Variants in ATG7 observed in about 807,000 individuals in gnomAD.
ATG7 encodes the protein ubiquitin-like modifier-activating enzyme ATG7.
Under a neutral mutation model 82.4 loss-of-function variants are expected in ATG7, and 70 were observed. The ratio of observed to expected loss-of-function variants is 0.85; its 90% CI spans 0.70 to 1.04. ATG7 has a LOEUF of 1.04. Among genes scored for constraint, ATG7 ranks in the 50% least tolerant of loss-of-function variants. The probability of loss-of-function intolerance (pLI) is 0.00; values close to 1 mark genes in which losing one functional copy is unlikely to be tolerated. For missense variants in ATG7, 792 were observed against 864.3 expected, an observed-to-expected ratio of 0.92 and a Z score of 1.05; for synonymous variants, 287 against 313.0, an observed-to-expected ratio of 0.92 and a Z score of 0.88.
At chr3:11,433,448 C>T (rs980877573) in intron 20 of ATG7, among the ~76,000 whole-genome samples, 5 of 152,090 alleles carry the variant, frequency 3.3e-5, no homozygotes, top group Non-Finnish European at 7.3e-5. Context: ...TATCAGTTCA[C>T]ATGTATTTAT....
chr3:11,518,902 ATG>A (rs2092358105), intron 20 of ATG7, among the ~76,000 whole-genome samples: 1 of 152,232 alleles, frequency 6.6e-6, no homozygotes, highest in Non-Finnish European at 1.5e-5. Context: ...CAGCTGGTAA[ATG>A]AAGGAAAAAG....
At chr3:11,492,676 A>C (rs1314736892) in intron 20 of ATG7, among the ~76,000 whole-genome samples, 2 of 152,056 alleles carry the variant, frequency 1.3e-5, no homozygotes, top group Admixed American at 6.6e-5. Context: ...CTCCACCCTC[A>C]CTGGAGGGAA....
chr3:11,552,452 C>T (rs1267839252), intron 20 of ATG7, among the ~76,000 whole-genome samples: 1 of 152,172 alleles, frequency 6.6e-6, no homozygotes, highest in Non-Finnish European at 1.5e-5. Flanking sequence ...AAGGACACAG[C>T]TGCGGTGAGG....
chr3:11,504,937 C>T (rs1320142449), intron 20 of ATG7, among the ~76,000 whole-genome samples: 1 of 152,080 alleles, frequency 6.6e-6, no homozygotes, highest in Admixed American at 6.6e-5. Flanking sequence ...GGGCTCACAG[C>T]AGTGAAAGAG....
At chr3:11,569,837 C>T in the ATG7 span, among the ~76,000 whole-genome samples, 479 of 152,250 alleles carry the variant, frequency 3.1e-3, 2 homozygotes, top group African/African-American at 0.011. Context: ...GCCATGGTCA[C>T]GCCACTGCAC....
chr3:11,442,656 A>G (rs1268790774), intron 20 of ATG7, among the ~76,000 whole-genome samples: 3 of 140,928 alleles, frequency 2.1e-5, no homozygotes, highest in Non-Finnish European at 3.0e-5. Flanking sequence ...TAATCTCAGC[A>G]CTTTGGGAGT....
At chr3:11,457,615 A>C (rs1257751763) in intron 20 of ATG7, among the ~76,000 whole-genome samples, 1 of 152,200 alleles carries the variant, frequency 6.6e-6, no homozygotes, top group African/African-American at 2.4e-5. Flanking sequence ...CGGAACATAC[A>C]TTAAGAACTT....
At chr3:11,346,360 G>T (rs1275390146) in intron 13 of ATG7, among the ~76,000 whole-genome samples, 2 of 152,144 alleles carry the variant, frequency 1.3e-5, no homozygotes, top group African/African-American at 2.4e-5. Context: ...ATAAATTGCT[G>T]GAAATAGGTC....
chr3:11,397,513 A>G (rs540955583), intron 19 of ATG7, among the ~76,000 whole-genome samples: 4 of 152,152 alleles, frequency 2.6e-5, no homozygotes, highest in South Asian at 4.2e-4. Context: ...GCTGGAGTGC[A>G]GTGGTACGAT....
chr3:11,347,337 G>A (rs1225833610), intron 13 of ATG7, among the ~76,000 whole-genome samples: 4 of 152,296 alleles, frequency 2.6e-5, no homozygotes, highest in Non-Finnish European at 4.4e-5. Context: ...TAAGAATATA[G>A]ACTTGTTCCC....
Position 11,344,086 on chromosome 3 carries a change from G to A in ATG7, c.1125+1807G>A, listed in dbSNP as rs547847210. ...TTTTCCTTTAGAGATATTTTCTCCCGTTAAACTTTCCAGTTGACTATTACT... is the reference window on the plus strand; with the variant it reads ...TTTTCCTTTAGAGATATTTTCTCCCATTAAACTTTCCAGTTGACTATTACT... On this transcript the variant is annotated intron_variant, in intron 13 of 20. Coordinates refer to ENST00000693202, the MANE Select transcript of ATG7 (RefSeq NM_001349232.2). 2.2e-4 allele frequency among the ~76,000 whole-genome samples: 33 copies of A among 152,050 alleles called. No homozygotes were observed. The South Asian group carries it at 4.6e-3, about 21-fold the overall frequency.
At chr3:11,290,543 C>A in intron 3 of ATG7, 1 of 373,352 alleles carries the variant, frequency 2.7e-6, no homozygotes. Flanking sequence ...TCTTCTCCTC[C>A]AGGTAGCTGT....
At chr3:11,493,394 G>T (rs1317600132) in intron 20 of ATG7, among the ~76,000 whole-genome samples, 2 of 152,182 alleles carry the variant, frequency 1.3e-5, no homozygotes, top group East Asian at 3.8e-4. Flanking sequence ...CTGGCCATAG[G>T]TAGTTTTGCA....
chr3:11,308,823 G>A (rs2152710391), intron 6 of ATG7, 161 bp from the exon 7 acceptor site: 1 of 670,460 alleles, frequency 1.5e-6, no homozygotes, highest in South Asian at 1.8e-5. Context: ...GCAGTGTGAA[G>A]TCGGCAGAGT....
downstream of ATG7, chr3:11,558,619 G>A (rs1272381639): frequency 1.9e-6 from 3 of 1,607,878 alleles, no homozygotes; most frequent in African/African-American, 4.0e-5. Context: ...TGGCGGGCTG[G>A]CCCCTGCGAG....
At chr3:11,535,432 G>A (rs141020269) in intron 20 of ATG7, among the ~76,000 whole-genome samples, 17 of 152,164 alleles carry the variant, frequency 1.1e-4, no homozygotes, top group African/African-American at 3.9e-4. Flanking sequence ...CTTCTGCGTC[G>A]GCCCTCCCTG....
chr3:11,356,168 G>A (rs2075919337), intron 14 of ATG7, among the ~76,000 whole-genome samples: 1 of 152,142 alleles, frequency 6.6e-6, no homozygotes, highest in Admixed American at 6.5e-5. Flanking sequence ...CGACTGAGGG[G>A]GAGCACAAGA....
chr3:11,468,771 C>T (rs777354967), intron 20 of ATG7, among the ~76,000 whole-genome samples: 9 of 152,136 alleles, frequency 5.9e-5, no homozygotes, highest in Non-Finnish European at 1.3e-4. Flanking sequence ...CAAAATGTTA[C>T]GTGTGTGTAT....
intron 19 of ATG7, among the ~76,000 whole-genome samples, chr3:11,424,077 C>T (rs2152937748): frequency 6.6e-6 from 1 of 152,164 alleles, no homozygotes; most frequent in South Asian, 2.1e-4. Context: ...CTATCTAGAC[C>T]CTAGAGCTCC....
Sources: allele counts gnomAD v4.1 joint callset (sites outside exome capture counted in the v4.1 genomes callset), GRCh38; gene constraint gnomAD v4.1.1; transcripts MANE v1.5; gene names NCBI Gene and HGNC (gene_info 2026-07-23, HGNC 2026-07-21).